Variants in PRKG1 observed in about 807,000 individuals in gnomAD.
PRKG1 encodes the protein cGMP-dependent protein kinase 1.
In PRKG1, 35 loss-of-function variants were observed where a neutral mutation model predicts 88.1. The ratio of observed to expected loss-of-function variants is 0.40; its 90% CI spans 0.30 to 0.53. The LOEUF (loss-of-function observed/expected upper bound fraction) is 0.53. Ranked by LOEUF, PRKG1 falls within the 20% of genes least tolerant of loss-of-function variation. The pLI is 0.59. For synonymous variants in PRKG1, 303 were observed against 292.5 expected (o/e 1.04, Z -0.37); for missense variants, 540 against 839.8 (o/e 0.64, Z 4.41).
chr10:51,623,820 CGCCCT>C (rs1839268431), intron 3 of PRKG1, among the ~76,000 whole-genome samples: 7 of 152,220 alleles, frequency 4.6e-5, no homozygotes, highest in Admixed American at 3.9e-4. Context: ...CTTATCCTCA[CGCCCT>C]GAAGCTGGTG....
chr10:51,384,273 A>T (rs547634879), intron 2 of PRKG1, among the ~76,000 whole-genome samples: 44 of 152,260 alleles, frequency 2.9e-4, no homozygotes, highest in Non-Finnish European at 6.2e-4. Context: ...GGTCAGCTAC[A>T]TGTACAAGTT....
chr10:51,099,936 C>T (rs1844637720), intron 1 of PRKG1, among the ~76,000 whole-genome samples: 1 of 152,134 alleles, frequency 6.6e-6, no homozygotes, highest in South Asian at 2.1e-4. Context: ...TGTTCTGTCA[C>T]TTAGGCTGGC....
At chr10:51,343,471 A>G (rs1166152417) in intron 2 of PRKG1, among the ~76,000 whole-genome samples, 2 of 152,142 alleles carry the variant, frequency 1.3e-5, no homozygotes, top group Admixed American at 1.3e-4. Flanking sequence ...CCAAAGCAAA[A>G]TATCTTTTAA....
At chr10:52,291,339 T>C (rs1373157288) in intron 17 of PRKG1, among the ~76,000 whole-genome samples, 1 of 151,592 alleles carries the variant, frequency 6.6e-6, no homozygotes, top group East Asian at 1.9e-4. Context: ...TGTGCCATGC[T>C]GGTGTGCTGC....
intron 3 of PRKG1, among the ~76,000 whole-genome samples, chr10:51,627,942 C>CTTCCTTTG: frequency 6.8e-5 from 1 of 14,664 alleles, no homozygotes; most frequent in Non-Finnish European, 2.2e-4. Flanking sequence ...TCCTTCCTTC[C>CTTCCTTTG]TTTCTTTCTT....
At chr10:51,205,563 G>A (rs370020021) in intron 2 of PRKG1, among the ~76,000 whole-genome samples, 1 of 151,386 alleles carries the variant, frequency 6.6e-6, no homozygotes, top group East Asian at 2.0e-4. Flanking sequence ...TTGAGATAGA[G>A]TTTTGCTCGT....
In PRKG1 at chr10:52,164,364, G is replaced by GTAAATAAATAAA. The variant is rs5784909; in HGVS notation, c.1076+2418_1076+2429dup. Among the ~76,000 whole-genome samples the GTAAATAAATAAA allele has an allele frequency of 4.1e-3, 618 of 148,988 alleles. 6 individuals are homozygous for GTAAATAAATAAA. Among genetic ancestry groups the GTAAATAAATAAA allele is most frequent in the African/African-American group, 0.014 (577 of 40,388 alleles). ...AAAACTCTGTCTCAAAAATAAGTAA[G>GTAAATAAATAAA]TAAATAAATAAATAAATAAATAAAT... On this transcript the variant is annotated intron_variant, in intron 9 of 17. Coordinates refer to ENST00000373980, the MANE Select transcript of PRKG1 (RefSeq NM_006258.4).
intron 3 of PRKG1, among the ~76,000 whole-genome samples, chr10:51,789,600 A>G (rs978309350): frequency 5.9e-5 from 9 of 152,294 alleles, no homozygotes; most frequent in African/African-American, 2.2e-4. Context: ...GATGGAATTA[A>G]GGGCTACCCT....
chr10:51,092,596 G>A (rs1343803660), intron 1 of PRKG1, among the ~76,000 whole-genome samples: 1 of 152,178 alleles, frequency 6.6e-6, no homozygotes, highest in African/African-American at 2.4e-5. Context: ...TGGTGCAAAG[G>A]CTTCTGGGTT....
At chr10:51,873,516 AAAAT>A (rs1841210846) in intron 4 of PRKG1, among the ~76,000 whole-genome samples, 1 of 150,188 alleles carries the variant, frequency 6.7e-6, no homozygotes, top group South Asian at 2.1e-4. Flanking sequence ...CTAAATTAAT[AAAAT>A]AAATAATCTT....
intron 3 of PRKG1, among the ~76,000 whole-genome samples, chr10:51,577,332 C>A (rs895281390): frequency 6.6e-6 from 1 of 151,982 alleles, no homozygotes; most frequent in Non-Finnish European, 1.5e-5. Context: ...AGCAGTAACT[C>A]ACTAGTGTTT....
At chr10:51,735,962 G>A (rs1354080631) in intron 3 of PRKG1, among the ~76,000 whole-genome samples, 3 of 113,092 alleles carry the variant, frequency 2.7e-5, no homozygotes, top group Non-Finnish European at 5.0e-5. Context: ...TGGAGTGCAC[G>A]ACTCACTGCA....
rs397978149 is a variant in PRKG1 at position 51,692,234 on chromosome 10, TA to T, written c.593-112339del. On this transcript the variant is annotated intron_variant, in intron 3 of 17. Transcript: ENST00000373980. ...CAAGCAAGCCCTATATTGGCCTTTT[TA>T]AAAAAAAAAAATCACATTATGAATT... Among the ~76,000 whole-genome samples, 949 of 148,318 alleles carry T rather than the reference TA, an allele frequency of 6.4e-3. 3 individuals carry two copies. Among genetic ancestry groups the T allele is most frequent in the African/African-American group, 0.017 (705 of 40,810 alleles).
chr10:51,246,535 G>A (rs1490647693), intron 2 of PRKG1, among the ~76,000 whole-genome samples: 12 of 131,316 alleles, frequency 9.1e-5, no homozygotes, highest in Non-Finnish European at 2.0e-4. Context: ...GTATGGCCAG[G>A]TAAGCCCAAA....
At chr10:51,755,574 A>C (rs1837838674) in intron 3 of PRKG1, among the ~76,000 whole-genome samples, 1 of 152,244 alleles carries the variant, frequency 6.6e-6, no homozygotes, top group South Asian at 2.1e-4. Context: ...ACAGCTGATT[A>C]GATTTATACT....
intron 4 of PRKG1, among the ~76,000 whole-genome samples, chr10:51,861,459 T>A (rs956154302): frequency 6.6e-6 from 1 of 152,152 alleles, no homozygotes; most frequent in Non-Finnish European, 1.5e-5. Flanking sequence ...AGAACTATTA[T>A]TTTTTTCATC....
chr10:52,263,264 A>ATT (rs1841478921), intron 10 of PRKG1, among the ~76,000 whole-genome samples: 4 of 152,250 alleles, frequency 2.6e-5, no homozygotes, highest in African/African-American at 9.6e-5. Flanking sequence ...TAAGTGAGAT[A>ATT]GTAAGCACAG....
At chr10:51,875,869 T>C (rs1325813792) in intron 4 of PRKG1, among the ~76,000 whole-genome samples, 4 of 152,120 alleles carry the variant, frequency 2.6e-5, no homozygotes, top group South Asian at 2.1e-4. Flanking sequence ...CAGTACAAAT[T>C]TTTGGAATAG....
chr10:52,183,218 A>G (rs1212943701), intron 9 of PRKG1, among the ~76,000 whole-genome samples: 1 of 152,190 alleles, frequency 6.6e-6, no homozygotes, highest in Non-Finnish European at 1.5e-5. Flanking sequence ...CATCCAGACC[A>G]TATCCTGTAC....
Sources: gnomAD v4.1 joint callset for allele counts (sites outside exome capture counted in the v4.1 genomes callset) on GRCh38, gnomAD v4.1.1 for gene constraint, MANE v1.5 for transcripts, NCBI Gene and HGNC (gene_info 2026-07-23, HGNC 2026-07-21) for gene names.